Variants in SNCAIP observed in about 807,000 individuals in gnomAD.
SNCAIP encodes synphilin-1.
Under a neutral mutation model 86.7 loss-of-function variants are expected in SNCAIP, and 43 were observed. The ratio of observed to expected loss-of-function variants is 0.50; its 90% confidence interval spans 0.39 to 0.64. The LOEUF is 0.64. Ranked by LOEUF, SNCAIP falls within the 30% of genes least tolerant of loss-of-function variation. The pLI, the probability that SNCAIP is intolerant of heterozygous loss-of-function variation, is 0.00. For synonymous variants in SNCAIP, 417 were observed against 427.2 expected, an observed-to-expected ratio of 0.98 and a Z score of 0.29; for missense variants, 981 against 1,103.1, an observed-to-expected ratio of 0.89 and a Z score of 1.57.
At chr5:122,393,709 A>G (rs1330263318) in intron 2 of SNCAIP, among the ~76,000 whole-genome samples, 1 of 152,150 alleles carries the variant, frequency 6.6e-6, no homozygotes, top group Non-Finnish European at 1.5e-5. Context: ...TCTAGCCCAA[A>G]ATGTCAGTAG....
intron 1 of SNCAIP, among the ~76,000 whole-genome samples, chr5:122,326,028 C>A (rs1250819067): frequency 6.6e-6 from 1 of 152,162 alleles, no homozygotes; most frequent in Non-Finnish European, 1.5e-5. Flanking sequence ...ATTGGGTATG[C>A]TTAAACTAAT....
rs1265295646 is a variant in SNCAIP at position 122,463,637 on chromosome 5, TC to T, written c.*143del. On this transcript the variant is annotated 3_prime_UTR_variant, in exon 11 of 11. Coordinates refer to ENST00000261368, the MANE Select transcript of SNCAIP (RefSeq NM_005460.4). ...GAAATTATTGGAAATTTCTGGACTA[TC>T]CTCTTTGGAAAGAGAACCATGAAAA... 1.2e-6 allele frequency: 1 copy of T among 834,656 alleles called. No homozygotes were observed. The highest frequency in any genetic ancestry group is 1.9e-6 in the Non-Finnish European group (1 of 517,472). 51.7% of individuals were successfully genotyped at this position (834,656 alleles called of 1,614,324 possible).
At chr5:122,327,188 C>A (rs2152687200) in intron 1 of SNCAIP, among the ~76,000 whole-genome samples, 1 of 152,160 alleles carries the variant, frequency 6.6e-6, no homozygotes, top group East Asian at 1.9e-4. Flanking sequence ...AATGATTTCA[C>A]TGTTTTCACC....
intron 1 of SNCAIP, among the ~76,000 whole-genome samples, chr5:122,347,668 C>G (rs572615194): frequency 1.3e-5 from 2 of 152,056 alleles, no homozygotes; most frequent in South Asian, 4.1e-4. Flanking sequence ...TTTTCAATTT[C>G]TAGAAATTCT....
intron 1 of SNCAIP, among the ~76,000 whole-genome samples, chr5:122,336,188 G>C (rs1756422906): frequency 6.6e-6 from 1 of 152,122 alleles, no homozygotes; most frequent in South Asian, 2.1e-4. Flanking sequence ...GAGAGAGAGA[G>C]AGAAAGAGAG....
chr5:122,365,193 T>C (rs2152776777), intron 1 of SNCAIP, among the ~76,000 whole-genome samples: 1 of 152,328 alleles, frequency 6.6e-6, no homozygotes, highest in Admixed American at 6.5e-5. Context: ...CTGTCTGGAC[T>C]CTTTGGAACC....
chr5:122,383,086 G>A (rs779186169), intron 1 of SNCAIP, among the ~76,000 whole-genome samples: 23 of 152,186 alleles, frequency 1.5e-4, no homozygotes, highest in Non-Finnish European at 2.6e-4. Context: ...GGAGCTTCCC[G>A]GCTGCTTTGT....
chr5:122,352,204 A>G (rs2152745958), intron 1 of SNCAIP, among the ~76,000 whole-genome samples: 1 of 152,328 alleles, frequency 6.6e-6, no homozygotes, highest in African/African-American at 2.4e-5. Context: ...CTACATTGTC[A>G]TCAAAAAAGA....
chr5:122,407,696 T>C (rs1429154689), intron 3 of SNCAIP, among the ~76,000 whole-genome samples: 1 of 152,196 alleles, frequency 6.6e-6, no homozygotes, highest in East Asian at 1.9e-4. Flanking sequence ...CTGTTTTCAT[T>C]TTTGCAACTA....
chr5:122,331,156 G>A (rs1466020143), intron 1 of SNCAIP, among the ~76,000 whole-genome samples: 1 of 152,158 alleles, frequency 6.6e-6, no homozygotes, highest in Non-Finnish European at 1.5e-5. Context: ...ACCTTCTCCT[G>A]TGTAGCCTGG....
At chr5:122,370,700 C>A (rs1764112213) in intron 1 of SNCAIP, among the ~76,000 whole-genome samples, 1 of 152,124 alleles carries the variant, frequency 6.6e-6, no homozygotes. Flanking sequence ...CTAGATATAA[C>A]CCTGAAGGAA....
chr5:122,348,010 T>TA (rs1472254343), intron 1 of SNCAIP, among the ~76,000 whole-genome samples: 3 of 152,164 alleles, frequency 2.0e-5, no homozygotes, highest in Non-Finnish European at 2.9e-5. Flanking sequence ...AGTTTGTTGT[T>TA]ACATCTTAAG....
chr5:122,459,733 A>T (rs930589469), intron 10 of SNCAIP, among the ~76,000 whole-genome samples: 1 of 152,178 alleles, frequency 6.6e-6, no homozygotes, highest in Non-Finnish European at 1.5e-5. Flanking sequence ...TATTATCTTT[A>T]GACTATGACC....
intron 6 of SNCAIP, among the ~76,000 whole-genome samples, chr5:122,435,065 G>A (rs1248634396): frequency 1.3e-5 from 2 of 152,094 alleles, no homozygotes; most frequent in African/African-American, 2.4e-5. Flanking sequence ...AGTACCACAG[G>A]GTAGCCAACA....
intron 1 of SNCAIP, among the ~76,000 whole-genome samples, chr5:122,335,344 A>G (rs1037767440): frequency 7.2e-5 from 11 of 152,204 alleles, no homozygotes; most frequent in Admixed American, 5.9e-4. Context: ...ATTCACAAAT[A>G]AGTCAAAACA....
intron 1 of SNCAIP, among the ~76,000 whole-genome samples, chr5:122,373,697 T>C (rs1165474452): frequency 6.6e-6 from 1 of 152,232 alleles, no homozygotes; most frequent in Non-Finnish European, 1.5e-5. Flanking sequence ...GTGAATGTTA[T>C]GAAAATTGTT....
intron 1 of SNCAIP, chr5:122,321,859 C>A (rs1331974296): frequency 2.0e-5 from 3 of 152,166 alleles, no homozygotes; most frequent in African/African-American, 7.2e-5. Context: ...AGACTGTATA[C>A]ACCTTGTTTA....
chr5:122,316,381 C>T (rs1199500287), intron 1 of SNCAIP, among the ~76,000 whole-genome samples: 1 of 152,200 alleles, frequency 6.6e-6, no homozygotes, highest in Non-Finnish European at 1.5e-5. Flanking sequence ...CTGACAGCCA[C>T]ACCAGGTCAG....
rs1212303157 is a variant in SNCAIP, at chr5:122,330,117, C to CTTTTTTTTTTTTTTTTTTTTTTTTTT, written c.-47+17855_-47+17856insTTTTTTTTTTTTTTTTTTTTTTTTTT. Among the ~76,000 whole-genome samples, 54 of 96,828 alleles carry CTTTTTTTTTTTTTTTTTTTTTTTTTT rather than the reference C, an allele frequency of 5.6e-4. 8 individuals are homozygous for CTTTTTTTTTTTTTTTTTTTTTTTTTT. The highest frequency in any genetic ancestry group is 8.2e-4 in the African/African-American group (19 of 23,258). The allele number at this position is 96,828 out of a possible 152,430, so 63.5% of individuals were successfully genotyped here. A position where few individuals can be genotyped will look rare whatever the true frequency, so the allele number is the denominator to read the frequency against. ...CTTACCTCCGTGTACAACTTCATTT[C>CTTTTTTTTTTTTTTTTTTTTTTTTTT]TTTTTTTTTTTTTTTTTTTTTTGAG... On this transcript the variant is annotated intron_variant, in intron 1 of 10. Transcript: ENST00000261368.
Sources: gnomAD v4.1 joint callset for allele counts (sites outside exome capture counted in the v4.1 genomes callset) on GRCh38, gnomAD v4.1.1 for gene constraint, MANE v1.5 for transcripts, NCBI Gene and HGNC (gene_info 2026-07-23, HGNC 2026-07-21) for gene names.